The following PAIP2 variants were observed in gnomAD, a reference collection of about 807,000 sequenced individuals.
PAIP2 encodes polyadenylate-binding protein-interacting protein 2.
A neutral mutation model predicts 14.8 loss-of-function variants in PAIP2; 7 were observed. That is an observed-to-expected ratio of 0.47 (90% CI 0.27 to 0.89). The LOEUF is 0.89. Ranked by LOEUF, PAIP2 falls within the 40% of genes least tolerant of loss-of-function variation. The pLI is 0.13. For synonymous variants in PAIP2, 47 were observed against 45.3 expected (o/e 1.04, Z -0.15); for missense variants, 122 against 154.7 (o/e 0.79, Z 1.12).
At chr5:139,365,967 C>T (rs770061548) in intron 3 of PAIP2, among the ~76,000 whole-genome samples, 8 of 151,982 alleles carry the variant, frequency 5.3e-5, no homozygotes, top group East Asian at 3.9e-4. Context: ...TTTGGGACGC[C>T]GAGGCACGCG....
chr5:139,368,685 C>A, intron 3 of PAIP2, 48 bp from the exon 4 acceptor site: 1 of 1,272,990 alleles, frequency 7.9e-7, no homozygotes, highest in Non-Finnish European at 1.1e-6. Context: ...TGAATTAGTA[C>A]CTGAAACTGT....
At chr5:139,347,058 C>T (rs539002980) in intron 1 of PAIP2, among the ~76,000 whole-genome samples, 2 of 152,172 alleles carry the variant, frequency 1.3e-5, no homozygotes, top group African/African-American at 2.4e-5. Context: ...ATCCACCTCC[C>T]TTGGCCTCCT....
intron 1 of PAIP2, among the ~76,000 whole-genome samples, chr5:139,345,127 G>C (rs573184007): frequency 6.6e-6 from 1 of 151,908 alleles, no homozygotes; most frequent in South Asian, 2.1e-4. Context: ...CTCACTGCAC[G>C]CTCCACCTCC....
intron 1 of PAIP2, among the ~76,000 whole-genome samples, chr5:139,355,821 C>A (rs532029840): frequency 6.6e-6 from 1 of 151,896 alleles, no homozygotes; most frequent in Admixed American, 6.6e-5. Context: ...CAAGCCACTG[C>A]ACTCCAGCCT....
At chr5:139,352,816 A>T (rs1055258362) in intron 1 of PAIP2, among the ~76,000 whole-genome samples, 1 of 151,732 alleles carries the variant, frequency 6.6e-6, no homozygotes, top group East Asian at 2.0e-4. Context: ...TGAGCCAAAG[A>T]TAAGATAGTA....
In PAIP2 at chr5:139,350,948, C is replaced by T. The variant is rs190144221; in HGVS notation, c.-27+8968C>T. Reference sequence around the variant, plus strand: ...TTTATATGGAGAAATATAGATCCTTCACATATTCAAATGTTCACATGAACT... The same window carrying T: ...TTTATATGGAGAAATATAGATCCTTTACATATTCAAATGTTCACATGAACT... On this transcript the variant is annotated intron_variant, in intron 1 of 3. Transcript: ENST00000265192. Among the ~76,000 whole-genome samples, 522 of 152,082 alleles carry T rather than the reference C, an allele frequency of 3.4e-3. 1 individual carries two copies. The highest frequency in any genetic ancestry group is 0.02 in the Middle Eastern group (6 of 294).
At chr5:139,349,716 A>T (rs1347626706) in intron 1 of PAIP2, among the ~76,000 whole-genome samples, 1 of 152,118 alleles carries the variant, frequency 6.6e-6, no homozygotes, top group African/African-American at 2.4e-5. Context: ...AAAAATGTTA[A>T]TTCCTGGCTG....
intron 2 of PAIP2, 115 bp downstream of exon 2, chr5:139,364,037 T>G: frequency 1.2e-6 from 1 of 829,468 alleles, no homozygotes; most frequent in Non-Finnish European, 1.9e-6. Flanking sequence ...TAGACTGATG[T>G]GCCACCACTC....
chr5:139,360,777 CT>C (rs61294239), intron 1 of PAIP2, among the ~76,000 whole-genome samples: 3,150 of 141,618 alleles, frequency 0.022, 111 homozygotes, highest in African/African-American at 0.073. Flanking sequence ...TCCTGCCTTT[CT>C]TTTTTTTTTT....
intron 3 of PAIP2, 87 bp from the exon 4 acceptor site, chr5:139,368,645 TG>T: frequency 2.3e-6 from 2 of 870,120 alleles, no homozygotes; most frequent in Non-Finnish European, 3.8e-6. Flanking sequence ...TTTTTTTTTT[TG>T]GAAGATGTTT....
intron 1 of PAIP2, among the ~76,000 whole-genome samples, chr5:139,345,751 C>T (rs1228055519): frequency 6.6e-6 from 1 of 151,838 alleles, no homozygotes; most frequent in Non-Finnish European, 1.5e-5. Flanking sequence ...CCTCAGCCTC[C>T]TGAGTAGCTG....
In PAIP2 at chr5:139,350,165, G is replaced by A. The variant is rs1267389421; in HGVS notation, c.-27+8185G>A. Among the ~76,000 whole-genome samples, 6 of 145,648 alleles carry A rather than the reference G, an allele frequency of 4.1e-5. No individual in the cohort carries two copies. The South Asian group carries it at 8.7e-4, about 21-fold the overall frequency. ...ACTCCAGCCTGGGCAGCAAAGGCGA[G>A]ACTCTGTCTCAAAAAAAAAAAAAAA... is the stretch of plus-strand genomic sequence containing the variant. On this transcript the variant is annotated intron_variant, in intron 1 of 3. Transcript: ENST00000265192.
chr5:139,352,502 G>GTTTTTTTTT lies in PAIP2; in HGVS notation c.-27+10526_-27+10534dup, dbSNP rs536704901. ...AATTCCTGCCAGTTTTTTTTTTGTT[G>GTTTTTTTTT]TTTTTTTTTTTTGAGATGGAGTTTC... is the stretch of plus-strand genomic sequence containing the variant. On this transcript the variant is annotated intron_variant, in intron 1 of 3. Coordinates refer to ENST00000265192, the MANE Select transcript of PAIP2 (RefSeq NM_016480.5). Among the ~76,000 whole-genome samples the GTTTTTTTTT allele has an allele frequency of 5.3e-5, 4 of 76,156 alleles. 1 individual carries two copies. The highest frequency in any genetic ancestry group is 1.0e-4 in the Non-Finnish European group (3 of 29,958). 50.0% of individuals were successfully genotyped at this position (76,156 alleles called of 152,430 possible).
chr5:139,369,646 T>C lies in PAIP2; in HGVS notation c.*848T>C, dbSNP rs1206873625. ...ATACGTGTTCAGTGTGAATAGTGTT[T>C]AAGTTGAAAATATTGTAAAAAAATT... On this transcript the variant is annotated 3_prime_UTR_variant, in exon 4 of 4. Coordinates refer to ENST00000265192, the MANE Select transcript of PAIP2 (RefSeq NM_016480.5). 6.6e-6 allele frequency: 1 copy of C among 152,624 alleles called. No individual in the cohort carries two copies. The highest frequency in any genetic ancestry group is 1.5e-5 in the Non-Finnish European group (1 of 68,054). The allele number at this position is 152,624 out of a possible 1,614,324, so 9.5% of individuals were successfully genotyped here.
intron 1 of PAIP2, chr5:139,342,961 G>A (rs1360914969): frequency 1.3e-5 from 2 of 152,304 alleles, no homozygotes; most frequent in African/African-American, 4.8e-5. Context: ...TATTTCAACG[G>A]AAAGTAGATG....
chr5:139,363,828 A>G lies in PAIP2; in HGVS notation c.44A>G (p.Asn15Ser), dbSNP rs773211784. The change falls in exon 2 of 4, where the codon AAT becomes AGT. Residue 15 changes from asparagine (N) to serine (S), a missense_variant. Asn to Ser is a conservative substitution (Grantham distance 46). Around this residue, in one of 3 missense-constraint regions of PAIP2, gnomAD observed 42 missense variants for 36.7 expected, o/e 1.15. Coordinates refer to ENST00000265192, the MANE Select transcript of PAIP2 (RefSeq NM_016480.5). ...AGCAGTACTAGCCCAAGCATCATCA[A>G]TGAAGATGTGATTATTAACGGTCAT... ...SRSSTSPSII[N>S]EDVIINGHSH... is the part of the protein sequence containing the mutation. 8.9e-5 allele frequency: 144 copies of G among 1,613,762 alleles called. No individual in the cohort carries two copies. Among genetic ancestry groups the G allele is most frequent in the East Asian group, 1.6e-4 (7 of 44,900 alleles).
intron 1 of PAIP2, among the ~76,000 whole-genome samples, chr5:139,347,418 C>T (rs1286176382): frequency 6.6e-6 from 1 of 151,914 alleles, no homozygotes; most frequent in South Asian, 2.1e-4. Flanking sequence ...ACACTACAGG[C>T]GCCCACCACC....
At position 139,352,505 on chromosome 5, in the gene PAIP2, T is replaced by TTTTTTTTTTTG. The variant is rs1561959085; in HGVS notation, c.-27+10534_-27+10535insTGTTTTTTTTT. ...TCCTGCCAGTTTTTTTTTTGTTGTT[T>TTTTTTTTTTTG]TTTTTTTTTGAGATGGAGTTTCGTC... On this transcript the variant is annotated intron_variant, in intron 1 of 3. Coordinates refer to ENST00000265192, the MANE Select transcript of PAIP2 (RefSeq NM_016480.5). Among the ~76,000 whole-genome samples, 9 of 147,274 alleles carry TTTTTTTTTTTG rather than the reference T, an allele frequency of 6.1e-5. 1 individual carries two copies. Among genetic ancestry groups the TTTTTTTTTTTG allele is most frequent in the South Asian group, 2.2e-4 (1 of 4,598 alleles).
intron 3 of PAIP2, among the ~76,000 whole-genome samples, chr5:139,365,614 C>T (rs1045792941): frequency 2.0e-5 from 3 of 151,204 alleles, no homozygotes; most frequent in South Asian, 2.1e-4. Context: ...TGCAGTGATC[C>T]GAGATTACGC....
Sources: allele counts gnomAD v4.1 joint callset (sites outside exome capture counted in the v4.1 genomes callset), GRCh38; gene constraint gnomAD v4.1.1; regional missense constraint gnomAD v4.1.1; transcripts MANE v1.5; gene names NCBI Gene and HGNC (gene_info 2026-07-23, HGNC 2026-07-21).